The following CLDN10 variants were observed in gnomAD, a reference collection of about 807,000 sequenced individuals.
The protein encoded by CLDN10 is claudin 10.
CLDN10 carries 15 observed loss-of-function variants against 22.9 expected under a neutral mutation model. The ratio of observed to expected loss-of-function variants is 0.65; its 90% CI spans 0.44 to 1.01. CLDN10 has a LOEUF of 1.01. Among genes scored for constraint, CLDN10 ranks in the 50% least tolerant of loss-of-function variants. CLDN10 has a pLI of 0.00. For missense variants in CLDN10, 247 were observed against 287.8 expected (o/e 0.86, Z 1.03); for synonymous variants, 114 against 111.4 (o/e 1.02, Z -0.15).
intron 1 of CLDN10, among the ~76,000 whole-genome samples, chr13:95,556,368 C>A (rs865948981): frequency 6.6e-6 from 1 of 152,128 alleles, no homozygotes; most frequent in Non-Finnish European, 1.5e-5. Context: ...ATAAAGAAAT[C>A]TCTGATTCCC....
chr13:95,438,865 G>A (rs182523070), intron 1 of CLDN10, among the ~76,000 whole-genome samples: 242 of 151,278 alleles, frequency 1.6e-3, no homozygotes, highest in Middle Eastern at 3.4e-3. Flanking sequence ...TGTAGTCCCC[G>A]CTCTTTGGGA....
chr13:95,493,582 A>T, intron 1 of CLDN10, among the ~76,000 whole-genome samples: 1 of 141,200 alleles, frequency 7.1e-6, no homozygotes. Flanking sequence ...TTTTTGAGAC[A>T]CAGTCTCACT....
chr13:95,574,214 G>A (rs1309207979), intron 3 of CLDN10, among the ~76,000 whole-genome samples: 3 of 152,018 alleles, frequency 2.0e-5, no homozygotes, highest in East Asian at 1.9e-4. Flanking sequence ...AGATACACAC[G>A]GAGAGGTGTG....
intron 1 of CLDN10, among the ~76,000 whole-genome samples, chr13:95,536,501 A>G (rs1263195671): frequency 7.9e-5 from 12 of 152,186 alleles, no homozygotes; most frequent in Admixed American, 7.9e-4. Flanking sequence ...TTAACCATAC[A>G]AAACTTACAG....
At chr13:95,466,107 T>G (rs1333708372) in intron 1 of CLDN10, among the ~76,000 whole-genome samples, 1 of 151,860 alleles carries the variant, frequency 6.6e-6, no homozygotes, top group African/African-American at 2.4e-5. Flanking sequence ...TACTTTACTA[T>G]TAAAAATAGT....
At chr13:95,494,410 G>T (rs1377266471) in intron 1 of CLDN10, among the ~76,000 whole-genome samples, 1 of 152,180 alleles carries the variant, frequency 6.6e-6, no homozygotes, top group Non-Finnish European at 1.5e-5. Flanking sequence ...TTTGCTCTAT[G>T]TAACACGCAT....
At chr13:95,494,358 A>G (rs940203000) in intron 1 of CLDN10, among the ~76,000 whole-genome samples, 5 of 152,246 alleles carry the variant, frequency 3.3e-5, no homozygotes, top group South Asian at 4.1e-4. Context: ...AAAGTTGGCA[A>G]TTATAGGTAA....
intron 1 of CLDN10, among the ~76,000 whole-genome samples, chr13:95,488,234 C>A (rs556010694): frequency 1.4e-5 from 2 of 146,726 alleles, no homozygotes; most frequent in East Asian, 4.0e-4. Context: ...CAGAGTGAGA[C>A]CCCATCTCAA....
At chr13:95,472,751 G>A (rs141874833) in intron 1 of CLDN10, among the ~76,000 whole-genome samples, 168 of 151,916 alleles carry the variant, frequency 1.1e-3, no homozygotes, top group African/African-American at 3.5e-3. Flanking sequence ...GCTGATTCCC[G>A]TAGCAAAATG....
intron 1 of CLDN10, among the ~76,000 whole-genome samples, chr13:95,460,134 C>T (rs964628277): frequency 6.6e-6 from 1 of 152,206 alleles, no homozygotes; most frequent in South Asian, 2.1e-4. Flanking sequence ...TCTGAGACCA[C>T]CTCAGCCTGG....
At chr13:95,475,205 C>A (rs912556828) in intron 1 of CLDN10, among the ~76,000 whole-genome samples, 1 of 152,190 alleles carries the variant, frequency 6.6e-6, no homozygotes, top group African/African-American at 2.4e-5. Flanking sequence ...AAGAGCCCAC[C>A]CCTGCCCCCT....
intron 1 of CLDN10, among the ~76,000 whole-genome samples, chr13:95,439,937 A>G (rs1286888965): frequency 1.3e-5 from 2 of 150,834 alleles, no homozygotes; most frequent in African/African-American, 4.9e-5. Context: ...TTTTTGAGAC[A>G]AAGTCTCGCT....
At chr13:95,558,670 A>G (rs1277515313) in intron 1 of CLDN10, among the ~76,000 whole-genome samples, 1 of 152,212 alleles carries the variant, frequency 6.6e-6, no homozygotes, top group Non-Finnish European at 1.5e-5. Flanking sequence ...TCATGCCTTT[A>G]AGCCCAGCAT....
intron 3 of CLDN10, among the ~76,000 whole-genome samples, chr13:95,569,593 AT>A (rs2138675389): frequency 6.6e-6 from 1 of 152,252 alleles, no homozygotes; most frequent in Non-Finnish European, 1.5e-5. Context: ...GCCTCAAAAA[AT>A]AAATAAATAG....
chr13:95,450,966 G>A (rs1046406545), intron 1 of CLDN10, among the ~76,000 whole-genome samples: 19 of 152,176 alleles, frequency 1.2e-4, no homozygotes, highest in African/African-American at 4.6e-4. Context: ...CACCTCACTT[G>A]GTTCCCAGAG....
intron 1 of CLDN10, among the ~76,000 whole-genome samples, chr13:95,538,153 C>CT (rs1176533524): frequency 0.025 from 1,674 of 66,816 alleles, 190 homozygotes; most frequent in African/African-American, 0.053. Context: ...CTGTTTATTT[C>CT]TTTTTTTTTT....
intron 1 of CLDN10, among the ~76,000 whole-genome samples, chr13:95,487,585 AC>A (rs1157527769): frequency 6.6e-6 from 1 of 152,252 alleles, no homozygotes; most frequent in Non-Finnish European, 1.5e-5. Flanking sequence ...TACAAAAATA[AC>A]AGAGAAGAGT....
chr13:95,478,169 A>G (rs1309709811), intron 1 of CLDN10, among the ~76,000 whole-genome samples: 2 of 151,980 alleles, frequency 1.3e-5, no homozygotes, highest in East Asian at 1.9e-4. Context: ...ATAGCTGGAC[A>G]TGGTGGTGCA....
chr13:95,516,078 A>G (rs2043164519), intron 1 of CLDN10, among the ~76,000 whole-genome samples: 2 of 123,466 alleles, frequency 1.6e-5, no homozygotes, highest in African/African-American at 6.7e-5. Context: ...TGTCTCCAAG[A>G]AAAAAAGAAA....
Sources: allele counts gnomAD v4.1 joint callset (sites outside exome capture counted in the v4.1 genomes callset), GRCh38; gene constraint gnomAD v4.1.1; transcripts MANE v1.5; gene names NCBI Gene and HGNC (gene_info 2026-07-23, HGNC 2026-07-21).